The following ABCB7 variants were observed in gnomAD, a reference collection of about 807,000 sequenced individuals.
The protein encoded by ABCB7 is ATP binding cassette subfamily B member 7, also known as iron-sulfur clusters transporter ABCB7, mitochondrial.
Under a neutral mutation model 54.4 loss-of-function variants are expected in ABCB7, and 7 were observed. The ratio of observed to expected loss-of-function variants is 0.13; its 90% confidence interval spans 0.07 to 0.24. ABCB7 has a LOEUF of 0.24. Among genes scored for constraint, ABCB7 ranks in the 10% least tolerant of loss-of-function variants. The pLI is 1.00. For missense variants in ABCB7, 356 were observed against 570.4 expected (o/e 0.62, Z 3.83); for synonymous variants, 218 against 207.1 (o/e 1.05, Z -0.45).
Position 75,073,795 on chromosome X carries a change from C to T in ABCB7, c.945-19G>A, listed in dbSNP as rs952640277. ...TCTAGTTCTGTAAGACAAAGATTTG[C>T]ATAGGCATGAAATACATGTTATAAA... On this transcript the variant is annotated intron_variant, in intron 7 of 15. Coordinates refer to ENST00000373394, the MANE Select transcript of ABCB7 (RefSeq NM_001271696.3). 3 of 1,183,048 alleles carry T rather than the reference C, an allele frequency of 2.5e-6. No homozygotes were observed. In the African/African-American group the frequency reaches 5.3e-5, roughly 21 times the overall value.
At chrX:75,085,341 C>A (rs2081488635) in intron 4 of ABCB7, among the ~76,000 whole-genome samples, 1 of 111,868 alleles carries the variant, frequency 8.9e-6, no homozygotes, top group South Asian at 3.7e-4. Flanking sequence ...GAAATCAGCT[C>A]AAAAGGTTAT....
At chrX:75,127,562 C>T (rs2081942947) in intron 1 of ABCB7, among the ~76,000 whole-genome samples, 2 of 111,477 alleles carry the variant, frequency 1.8e-5, no homozygotes, top group Admixed American at 1.9e-4. Flanking sequence ...CTGGCCAGGG[C>T]AATCAGGCAA....
At chrX:75,077,125 A>G (rs2081417185) in intron 4 of ABCB7, among the ~76,000 whole-genome samples, 1 of 112,157 alleles carries the variant, frequency 8.9e-6, no homozygotes, top group Non-Finnish European at 1.9e-5. Context: ...AAATATTTTT[A>G]AAATAATTTG....
chrX:75,121,827 CTT>C (rs1221682765), intron 1 of ABCB7, among the ~76,000 whole-genome samples: 1 of 112,125 alleles, frequency 8.9e-6, no homozygotes, highest in East Asian at 2.8e-4. Flanking sequence ...CAGATATCGC[CTT>C]TTGTCAAAAC....
chrX:75,144,414 C>T (rs1321768230), intron 1 of ABCB7, among the ~76,000 whole-genome samples: 1 of 111,664 alleles, frequency 9.0e-6, no homozygotes, highest in Admixed American at 9.5e-5. Context: ...TAAATAGCTA[C>T]ATATGGCTAG....
intron 4 of ABCB7, among the ~76,000 whole-genome samples, chrX:75,084,635 T>G (rs1319915836): frequency 1.8e-5 from 2 of 111,504 alleles, no homozygotes; most frequent in East Asian, 5.6e-4. Flanking sequence ...AAACTGAAAT[T>G]TATCAAAATT....
At chrX:75,117,139 T>G (rs1479217911) in intron 1 of ABCB7, among the ~76,000 whole-genome samples, 2 of 111,406 alleles carry the variant, frequency 1.8e-5, no homozygotes, top group East Asian at 5.6e-4. Context: ...GGACTTGCCC[T>G]GAATTCTTTC....
intron 1 of ABCB7, among the ~76,000 whole-genome samples, chrX:75,155,251 C>A (rs1308004683): frequency 8.9e-6 from 1 of 112,870 alleles, no homozygotes; most frequent in African/African-American, 3.2e-5. Flanking sequence ...GATGAAGAAT[C>A]AAAATTTAAG....
At position 75,104,047 on chromosome X, in the gene ABCB7, GTTTTTTTTTTTTTTTTTTTTTTTTT is replaced by G. The variant is rs757074347; in HGVS notation, c.334-5011_334-4987del. On this transcript the variant is annotated intron_variant, in intron 3 of 15. Coordinates refer to ENST00000373394, the MANE Select transcript of ABCB7 (RefSeq NM_001271696.3). The stretch of plus-strand genomic sequence containing the variant: ...AAATGGGCATCCCTGTCTTGTTACA[GTTTTTTTTTTTTTTTTTTTTTTTTT>G]TTTTTTTTTTTTTGTGGAAAGGCTT... Among the ~76,000 whole-genome samples, 5 of 13,443 alleles carry G rather than the reference GTTTTTTTTTTTTTTTTTTTTTTTTT, an allele frequency of 3.7e-4. No individual in the cohort carries two copies. The Admixed American group carries it at 8.0e-3, about 22-fold the overall frequency. The allele number at this position is 13,443 out of a possible 115,157, so 11.7% of individuals were successfully genotyped here.
At chrX:75,146,941 T>C (rs1036505666) in intron 1 of ABCB7, among the ~76,000 whole-genome samples, 9 of 96,896 alleles carry the variant, frequency 9.3e-5, no homozygotes, top group African/African-American at 3.0e-4. Context: ...TCTAATAATA[T>C]CCAGCATCTA....
At chrX:75,078,839 T>G (rs4892539) in intron 4 of ABCB7, among the ~76,000 whole-genome samples, 31,247 of 110,791 alleles carry the variant, frequency 0.28, 6,315 homozygotes, top group East Asian at 0.91. Context: ...TGCTCTCAAA[T>G]GCACTGTTTA....
intron 12 of ABCB7, among the ~76,000 whole-genome samples, chrX:75,068,697 T>C (rs1479029849): frequency 8.9e-6 from 1 of 112,371 alleles, no homozygotes; most frequent in African/African-American, 3.2e-5. Flanking sequence ...ATCCTTATTT[T>C]ACAGATAAGA....
intron 4 of ABCB7, among the ~76,000 whole-genome samples, chrX:75,081,476 C>T (rs563524123): frequency 8.9e-6 from 1 of 111,866 alleles, no homozygotes; most frequent in African/African-American, 3.2e-5. Context: ...TATTATTGAA[C>T]TTGAAGATAG....
At chrX:75,090,421 T>C (rs755618228) in intron 4 of ABCB7, among the ~76,000 whole-genome samples, 1 of 110,822 alleles carries the variant, frequency 9.0e-6, no homozygotes, top group South Asian at 3.8e-4. Flanking sequence ...AAGAGAAATT[T>C]TAAAATATTT....
Position 75,068,915 on chromosome X carries a change from A to C in ABCB7, c.1659+92T>G. The stretch of plus-strand genomic sequence containing the variant: ...GTCTAATACTGACTACTTCAGTAGC[A>C]TATGTTGATCCCTTGATTCAAACTG... On this transcript the variant is annotated intron_variant, in intron 12 of 15. Transcript: ENST00000373394. 3.0e-6 allele frequency: 3 copies of C among 1,005,603 alleles called. No homozygotes were observed. In the South Asian group the frequency reaches 5.7e-5, roughly 19 times the overall value. 82.9% of individuals were successfully genotyped at this position (1,005,603 alleles called of 1,213,427 possible). A position where few individuals can be genotyped will look rare whatever the true frequency, so the allele number is the denominator to read the frequency against.
intron 4 of ABCB7, among the ~76,000 whole-genome samples, chrX:75,094,495 C>T (rs1458280807): frequency 1.8e-5 from 2 of 111,333 alleles, no homozygotes; most frequent in Non-Finnish European, 3.8e-5. Context: ...GGCGGATCAC[C>T]TGAGGTCAGG....
At chrX:75,104,409 G>A (rs1352612157) in intron 3 of ABCB7, among the ~76,000 whole-genome samples, 1 of 109,211 alleles carries the variant, frequency 9.2e-6, no homozygotes, top group Non-Finnish European at 1.9e-5. Flanking sequence ...AGACTACTAT[G>A]AGCACTTCTA....
intron 1 of ABCB7, among the ~76,000 whole-genome samples, chrX:75,129,501 C>T (rs1038534228): frequency 9.1e-6 from 1 of 109,389 alleles, no homozygotes; most frequent in Non-Finnish European, 1.9e-5. Flanking sequence ...ATGTAGATGA[C>T]GGGTTGATGG....
At chrX:75,144,557 TA>T (rs1232602595) in intron 1 of ABCB7, among the ~76,000 whole-genome samples, 1 of 109,744 alleles carries the variant, frequency 9.1e-6, no homozygotes, top group Non-Finnish European at 1.9e-5. Flanking sequence ...TAAAACACTA[TA>T]AAAATATTAG....
Sources: allele counts gnomAD v4.1 joint callset (sites outside exome capture counted in the v4.1 genomes callset), GRCh38; gene constraint gnomAD v4.1.1; transcripts MANE v1.5; gene names NCBI Gene and HGNC (gene_info 2026-07-23, HGNC 2026-07-21).